KCNJ6: variants seen among roughly 807,000 people sequenced by gnomAD.
The protein encoded by KCNJ6 is potassium inwardly rectifying channel subfamily J member 6, also known as G protein-activated inward rectifier potassium channel 2.
In KCNJ6, 9 loss-of-function variants were observed where a neutral mutation model predicts 34.2. The observed-to-expected ratio is 0.26, with a 90% CI of 0.16 to 0.46. The LOEUF is 0.46. Ranked by LOEUF, KCNJ6 falls within the 20% of genes least tolerant of loss-of-function variation. KCNJ6 has a pLI of 1.00. For synonymous variants in KCNJ6, 196 were observed against 207.1 expected (o/e 0.95, Z 0.46); for missense variants, 236 against 531.3 (o/e 0.44, Z 5.46).
intron 3 of KCNJ6, among the ~76,000 whole-genome samples, chr21:37,663,703 T>C (rs1443048454): frequency 2.6e-5 from 4 of 152,316 alleles, no homozygotes; most frequent in Non-Finnish European, 4.4e-5. Context: ...ATACTGATTA[T>C]ATACATCTAA....
At chr21:37,637,004 C>A (rs1036045836) in intron 3 of KCNJ6, among the ~76,000 whole-genome samples, 6 of 152,170 alleles carry the variant, frequency 3.9e-5, no homozygotes, top group African/African-American at 9.7e-5. Flanking sequence ...GACACTTAAC[C>A]ATTTTATTTC....
At chr21:37,887,708 T>C (rs558398146) in intron 1 of KCNJ6, among the ~76,000 whole-genome samples, 1 of 152,232 alleles carries the variant, frequency 6.6e-6, no homozygotes, top group South Asian at 2.1e-4. Flanking sequence ...AAGGGGCAAA[T>C]TTTACAAAGT....
chr21:37,736,025 G>A (rs1221101127), intron 2 of KCNJ6, among the ~76,000 whole-genome samples: 1 of 152,140 alleles, frequency 6.6e-6, no homozygotes, highest in Non-Finnish European at 1.5e-5. Context: ...ACAGACTTGG[G>A]TGAACTTCAG....
At chr21:37,752,947 G>A (rs557626300) in intron 2 of KCNJ6, among the ~76,000 whole-genome samples, 2 of 152,290 alleles carry the variant, frequency 1.3e-5, no homozygotes, top group South Asian at 4.1e-4. Context: ...CCACACACAG[G>A]TGTCCAAGGT....
intron 2 of KCNJ6, among the ~76,000 whole-genome samples, chr21:37,818,211 C>CGTGTGTGTGTGTGT (rs10539396): frequency 1.8e-4 from 26 of 148,214 alleles, no homozygotes; most frequent in African/African-American, 5.0e-4. Flanking sequence ...TGTGTGCGTG[C>CGTGTGTGTGTGTGT]GTGTGTGTGT....
At chr21:37,725,529 G>T (rs1043235331) in intron 2 of KCNJ6, among the ~76,000 whole-genome samples, 3 of 152,354 alleles carry the variant, frequency 2.0e-5, no homozygotes, top group African/African-American at 4.8e-5. Context: ...AAAGGTGTGT[G>T]TTGGGAGAGG....
chr21:37,780,333 TG>T lies in KCNJ6; in HGVS notation c.25+60324del, dbSNP rs563977402. On this transcript the variant is annotated intron_variant, in intron 2 of 3. Transcript: ENST00000609713. ...GGAGATAGAGGAAGTGATGAACAGG[TG>T]GAACCCAGAGGAATTTTAGGGCAGT... Among the ~76,000 whole-genome samples, 4 of 152,192 alleles carry T rather than the reference TG, an allele frequency of 2.6e-5. No individual in the cohort carries two copies. In the South Asian group the frequency reaches 8.3e-4, roughly 32 times the overall value.
intron 2 of KCNJ6, among the ~76,000 whole-genome samples, chr21:37,752,139 A>G (rs569844115): frequency 5.8e-4 from 89 of 152,312 alleles, no homozygotes; most frequent in South Asian, 2.9e-3. Context: ...TCGTTCACCC[A>G]GTGGGAGGTG....
chr21:37,848,937 C>T (rs1488735666), intron 1 of KCNJ6, among the ~76,000 whole-genome samples: 1 of 152,142 alleles, frequency 6.6e-6, no homozygotes, highest in Admixed American at 6.6e-5. Flanking sequence ...CACGAATTTC[C>T]CCAGGGGAGT....
chr21:37,641,976 A>T (rs2054382967), intron 3 of KCNJ6, among the ~76,000 whole-genome samples: 1 of 152,196 alleles, frequency 6.6e-6, no homozygotes, highest in African/African-American at 2.4e-5. Flanking sequence ...CGAGAAGGAC[A>T]CCCAGGTTTC....
At position 37,901,247 on chromosome 21, in the gene KCNJ6, T is replaced by TA. The variant is rs1219836035; in HGVS notation, c.-28+14636dup. On this transcript the variant is annotated intron_variant, in intron 1 of 3. Coordinates refer to ENST00000609713, the MANE Select transcript of KCNJ6 (RefSeq NM_002240.5). Reference sequence around the variant, plus strand: ...AACACTATTTGCTTTGTAGAAAGGTTAAAACAGTGGAAGAGCTCAAATTGG... The same window carrying TA: ...AACACTATTTGCTTTGTAGAAAGGTTAAAAACAGTGGAAGAGCTCAAATTGG... Among the ~76,000 whole-genome samples the TA allele has an allele frequency of 4.6e-5, 7 of 152,368 alleles. No individual in the cohort carries two copies. The East Asian group carries it at 1.4e-3, about 29-fold the overall frequency.
chr21:37,798,837 T>C (rs2055255674), intron 2 of KCNJ6, among the ~76,000 whole-genome samples: 1 of 152,160 alleles, frequency 6.6e-6, no homozygotes, highest in Admixed American at 6.5e-5. Flanking sequence ...CGGTGATAGT[T>C]ACACATATCT....
At chr21:37,764,371 T>C (rs1400472645) in intron 2 of KCNJ6, among the ~76,000 whole-genome samples, 1 of 145,884 alleles carries the variant, frequency 6.9e-6, no homozygotes, top group African/African-American at 2.6e-5. Context: ...AAGAAAAATT[T>C]GAAGATATTT....
intron 2 of KCNJ6, among the ~76,000 whole-genome samples, chr21:37,793,387 T>C (rs113605945): frequency 0.011 from 1,679 of 152,256 alleles, 34 homozygotes; most frequent in African/African-American, 0.038. Flanking sequence ...TCGGCTGAGA[T>C]GCCTTTGGTG....
chr21:37,646,612 C>T (rs1011899629), intron 3 of KCNJ6, among the ~76,000 whole-genome samples: 8 of 152,162 alleles, frequency 5.3e-5, no homozygotes, highest in Non-Finnish European at 1.0e-4. Flanking sequence ...AGCCAGAGAG[C>T]AGGAACAGCA....
intron 1 of KCNJ6, among the ~76,000 whole-genome samples, chr21:37,898,532 A>G (rs1317419216): frequency 6.6e-6 from 1 of 151,926 alleles, no homozygotes; most frequent in Non-Finnish European, 1.5e-5. Context: ...CAGTGAGCCA[A>G]GATCACGCTA....
intron 2 of KCNJ6, among the ~76,000 whole-genome samples, chr21:37,788,065 G>C (rs1399606519): frequency 6.6e-6 from 1 of 152,166 alleles, no homozygotes; most frequent in Non-Finnish European, 1.5e-5. Context: ...AATTTGAGAA[G>C]GAAGATCTGT....
intron 1 of KCNJ6, among the ~76,000 whole-genome samples, chr21:37,911,873 A>T (rs1251769348): frequency 6.6e-6 from 1 of 152,206 alleles, no homozygotes; most frequent in Non-Finnish European, 1.5e-5. Context: ...TTAAGATTCC[A>T]TAAGGGTATT....
chr21:37,870,919 T>C (rs2055648435), intron 1 of KCNJ6, among the ~76,000 whole-genome samples: 2 of 152,242 alleles, frequency 1.3e-5, no homozygotes, highest in Non-Finnish European at 2.9e-5. Context: ...TGGGAAATTC[T>C]TTGTGCATCT....
Sources: gnomAD v4.1 joint callset for allele counts (sites outside exome capture counted in the v4.1 genomes callset) on GRCh38, gnomAD v4.1.1 for gene constraint, MANE v1.5 for transcripts, NCBI Gene and HGNC (gene_info 2026-07-23, HGNC 2026-07-21) for gene names.